Variants in CHST2 observed in about 807,000 individuals in gnomAD.
CHST2 encodes carbohydrate sulfotransferase 2, also known as N-acetylglucosamine 6-O-sulfotransferase 1.
In CHST2, 23 loss-of-function variants were observed where a neutral mutation model predicts 34.6. The observed-to-expected ratio is 0.67, with a 90% confidence interval of 0.48 to 0.94. The LOEUF is 0.94. CHST2 is among the 40% of genes least tolerant of loss of function. The pLI, the probability that CHST2 is intolerant of heterozygous loss-of-function variation, is 0.00. For synonymous variants in CHST2, 392 were observed against 343.1 expected (o/e 1.14, Z -1.58); for missense variants, 720 against 759.5 (o/e 0.95, Z 0.61).
rs769769693 is a variant in CHST2 at position 143,122,160 on chromosome 3, C to T, written c.1344C>T (p.Ser448=). ...ACGATTTTGTGGGACTGTTGGTGAG[C>T]CCCGAAATGGAGCAGTTTGCCCTGA... The part of the protein sequence containing the change: ...RVYDFVGLLV[S]PEMEQFALNM... Residue 448 remains serine (S), a synonymous_variant, in exon 2 of 2, where the codon AGC becomes AGT. Transcript: ENST00000309575. The T allele has an allele frequency of 6.2e-7, 1 of 1,614,198 alleles. No individual in the cohort carries two copies. The highest frequency in any genetic ancestry group is 1.7e-5 in the Admixed American group (1 of 60,028).
At position 143,121,035 on chromosome 3, in the gene CHST2, C is replaced by G. The variant is rs148799946; in HGVS notation, c.219C>G (p.Leu73=). ...ALLLVLTMLN[L]LDYKWHKEPL... is the part of the protein sequence containing the mutation. Reference sequence around the variant, plus strand: ...TGCTGGTGCTCACTATGCTCAACCTCCTGGACTACAAGTGGCACAAGGAGC... The same window carrying G: ...TGCTGGTGCTCACTATGCTCAACCTGCTGGACTACAAGTGGCACAAGGAGC... Residue 73 remains leucine (L), a synonymous_variant, in exon 2 of 2, where the codon CTC becomes CTG. Coordinates refer to ENST00000309575, the MANE Select transcript of CHST2 (RefSeq NM_004267.5). The G allele has an allele frequency of 8.4e-5, 129 of 1,529,210 alleles. No individual in the cohort carries two copies. The highest frequency in any genetic ancestry group is 1.1e-4 in the Non-Finnish European group (122 of 1,138,948). 94.7% of individuals were successfully genotyped at this position (1,529,210 alleles called of 1,614,324 possible). A position where few individuals can be genotyped will look rare whatever the true frequency, so the allele number is the denominator to read the frequency against.
Position 143,121,643 on chromosome 3 carries a change from A to G in CHST2, c.827A>G (p.Asp276Gly), listed in dbSNP as rs2108351508. Residue 276 changes from aspartate (D) to glycine (G), a missense_variant, in exon 2 of 2, where the codon GAC becomes GGC. Asp to Gly is a moderately conservative substitution (Grantham distance 94). Transcript: ENST00000309575. ...CGCAAGGAGGTCGTGGGGTTGGTGG[A>G]CGACCGCGTGTGCAAGAAGTGCCCG... Reference protein sequence around the residue: ...AYRKEVVGLVDDRVCKKCPPQ... With the variant: ...AYRKEVVGLVGDRVCKKCPPQ... 6.4e-7 allele frequency: 1 copy of G among 1,572,310 alleles called. No homozygotes were observed. Among genetic ancestry groups the G allele is most frequent in the East Asian group, 2.3e-5 (1 of 43,868 alleles).
Position 143,121,193 on chromosome 3 carries a change from A to T in CHST2, c.377A>T (p.Tyr126Phe). ...AHARLDLRTP[Y>F]RPPAAAVGAA... The stretch of plus-strand genomic sequence containing the variant: ...GCCCGTTTGGACCTCCGCACTCCTT[A>T]CCGCCCTCCCGCTGCCGCCGTCGGG... Residue 126 changes from tyrosine (Y) to phenylalanine (F), a missense_variant, in exon 2 of 2, where the codon TAC becomes TTC. By Grantham distance (22) the Tyr-to-Phe change is conservative. Around this residue, in one of 4 missense-constraint regions of CHST2, gnomAD observed 287 missense variants for 242.7 expected, o/e 1.18. Transcript: ENST00000309575. 6.5e-7 allele frequency: 1 copy of T among 1,549,774 alleles called. No individual in the cohort carries two copies. Among genetic ancestry groups the T allele is most frequent in the South Asian group, 1.2e-5 (1 of 83,470 alleles).
rs1268441442 is a variant in CHST2 at position 143,120,451 on chromosome 3, C to T, written c.-264C>T. ...AAGGTGCGGGGACCCCCAGCGGAAG[C>T]GAGAGGGAGCGAAATCGAGGAACGA... On this transcript the variant is annotated 5_prime_UTR_variant, in exon 1 of 2. Coordinates refer to ENST00000309575, the MANE Select transcript of CHST2 (RefSeq NM_004267.5). This position sits in a 1 kb window ranked among gnomAD's most constrained non-coding sequence, Gnocchi z 4.1. The T allele has an allele frequency of 1.2e-5, 2 of 166,638 alleles. No individual in the cohort carries two copies. Among genetic ancestry groups the T allele is most frequent in the Non-Finnish European group, 1.3e-5 (1 of 77,474 alleles). 10.3% of individuals were successfully genotyped at this position (166,638 alleles called of 1,614,324 possible).
At position 143,120,946 on chromosome 3, in the gene CHST2, TC is replaced by T; in HGVS notation, c.134del (p.Pro45LeufsTer4). ...GCGCCCAGGACGCCGCTGGCCCGCG[TC>T]CCCTCTCGGAATGAAGGTGTTCCGT... Reference protein sequence around the residue: ...PRRPGRRWPASPLGMKVFRRK... With the variant: ...PRRPGRRWPAXPLGMKVFRRK... On this transcript the variant is annotated frameshift_variant, in exon 2 of 2. Coordinates refer to ENST00000309575, the MANE Select transcript of CHST2 (RefSeq NM_004267.5). LOFTEE classifies it high-confidence loss of function. This position sits in a 1 kb window ranked among gnomAD's most constrained non-coding sequence, Gnocchi z 4.1. 6.5e-7 allele frequency: 1 copy of T among 1,533,082 alleles called. No homozygotes were observed. Among genetic ancestry groups the T allele is most frequent in the African/African-American group, 1.4e-5 (1 of 70,760 alleles). 95.0% of individuals were successfully genotyped at this position (1,533,082 alleles called of 1,614,324 possible).
At position 143,122,447 on chromosome 3, in the gene CHST2, C is replaced by A; in HGVS notation, c.*38C>A. 1.3e-6 allele frequency: 2 copies of A among 1,497,822 alleles called. No homozygotes were observed. The highest frequency in any genetic ancestry group is 1.8e-6 in the Non-Finnish European group (2 of 1,124,844). The allele number at this position is 1,497,822 out of a possible 1,614,324, so 92.8% of individuals were successfully genotyped here. A position where few individuals can be genotyped will look rare whatever the true frequency, so the allele number is the denominator to read the frequency against. On this transcript the variant is annotated 3_prime_UTR_variant, in exon 2 of 2. Transcript: ENST00000309575. ...GGAGACCTGATTCCCTGTGGTGATA[C>A]CTATAAAGAGGATCGTAGTGTGTTT... is the stretch of plus-strand genomic sequence containing the variant.
rs1215508428 is a variant in CHST2 at position 143,119,897 on chromosome 3, C to G, written c.-818C>G. The G allele has an allele frequency of 7.6e-6, 1 of 131,390 alleles. No homozygotes were observed. The highest frequency in any genetic ancestry group is 1.6e-5 in the Non-Finnish European group (1 of 63,018). The allele number at this position is 131,390 out of a possible 1,614,324, so 8.1% of individuals were successfully genotyped here. Reference sequence around the variant, plus strand: ...GGGGTCTTTCTTTGCTTAAATACCTCGTTGGCCAGAAGCGCTGGTACCGGG... The same window carrying G: ...GGGGTCTTTCTTTGCTTAAATACCTGGTTGGCCAGAAGCGCTGGTACCGGG... On this transcript the variant is annotated 5_prime_UTR_variant, in exon 1 of 2. Transcript: ENST00000309575.
rs1936240926 is a variant in CHST2, at chr3:143,122,450, A to G, written c.*41A>G. 7 of 1,491,922 alleles carry G rather than the reference A, an allele frequency of 4.7e-6. No individual in the cohort carries two copies. The highest frequency in any genetic ancestry group is 2.4e-5 in the East Asian group (1 of 41,720). 92.4% of individuals were successfully genotyped at this position (1,491,922 alleles called of 1,614,324 possible). Reference sequence around the variant, plus strand: ...GACCTGATTCCCTGTGGTGATACCTATAAAGAGGATCGTAGTGTGTTTAAA... The same window carrying G: ...GACCTGATTCCCTGTGGTGATACCTGTAAAGAGGATCGTAGTGTGTTTAAA... On this transcript the variant is annotated 3_prime_UTR_variant, in exon 2 of 2. Coordinates refer to ENST00000309575, the MANE Select transcript of CHST2 (RefSeq NM_004267.5).
At position 143,121,785 on chromosome 3, in the gene CHST2, G is replaced by C; in HGVS notation, c.969G>C (p.Leu323=). The C allele has an allele frequency of 6.2e-7, 1 of 1,607,760 alleles. No homozygotes were observed. Among genetic ancestry groups the C allele is most frequent in the Non-Finnish European group, 8.5e-7 (1 of 1,177,128 alleles). The part of the protein sequence containing the change: ...VLAPLLRDPA[L]DLKVIHLVRD... ...CGCCACTGCTGCGAGACCCGGCCCT[G>C]GACCTCAAGGTCATCCACTTGGTGC... The change falls in exon 2 of 2, where the codon CTG becomes CTC. Residue 323 remains leucine, a synonymous_variant. Transcript: ENST00000309575.
In CHST2 at chr3:143,121,009, C is replaced by T. The variant is rs747842677; in HGVS notation, c.193C>T (p.Leu65=). The T allele has an allele frequency of 6.5e-7, 1 of 1,541,482 alleles. No individual in the cohort carries two copies. Among genetic ancestry groups the T allele is most frequent in the Non-Finnish European group, 8.7e-7 (1 of 1,144,688 alleles). Residue 65 remains leucine (L), a synonymous_variant, in exon 2 of 2, where the codon CTG becomes TTG. Transcript: ENST00000309575. The part of the protein sequence containing the change: ...ALVLCAGYAL[L]LVLTMLNLLD... ...GGTGTTGTGCGCGGGCTATGCACTG[C>T]TGCTGGTGCTCACTATGCTCAACCT...
At position 143,120,761 on chromosome 3, in the gene CHST2, C is replaced by G. The variant is rs561848242; in HGVS notation, c.-56C>G. 1.4e-3 allele frequency: 1,623 copies of G among 1,200,694 alleles called. 3 individuals carry two copies. The African/African-American group carries it at 0.016, about 12-fold the overall frequency. The allele number at this position is 1,200,694 out of a possible 1,614,324, so 74.4% of individuals were successfully genotyped here. A position where few individuals can be genotyped will look rare whatever the true frequency, so the allele number is the denominator to read the frequency against. ...CGCCAGCAGCCAGCCCGCTGCGTCC[C>G]CTTCCCGGGCTGCAGGGCTGCCTCC... On this transcript the variant is annotated 5_prime_UTR_variant, in exon 2 of 2. Coordinates refer to ENST00000309575, the MANE Select transcript of CHST2 (RefSeq NM_004267.5). This position sits in a 1 kb window ranked among gnomAD's most constrained non-coding sequence, Gnocchi z 4.1.
At position 143,121,648 on chromosome 3, in the gene CHST2, C is replaced by A; in HGVS notation, c.832C>A (p.Arg278Ser). ...GGAGGTCGTGGGGTTGGTGGACGAC[C>A]GCGTGTGCAAGAAGTGCCCGCCACA... ...RKEVVGLVDDRVCKKCPPQRL... is the reference protein window; with the variant it reads ...RKEVVGLVDDSVCKKCPPQRL... The change falls in exon 2 of 2, where the codon CGC (arginine) becomes AGC (serine). Residue 278 changes from arginine to serine, a missense_variant. Coordinates refer to ENST00000309575, the MANE Select transcript of CHST2 (RefSeq NM_004267.5). 6.4e-7 allele frequency: 1 copy of A among 1,568,630 alleles called. No homozygotes were observed. Among genetic ancestry groups the A allele is most frequent in the East Asian group, 2.3e-5 (1 of 43,664 alleles).
Position 143,121,886 on chromosome 3 carries a change from G to A in CHST2, c.1070G>A (p.Arg357His). The A allele has an allele frequency of 6.3e-7, 1 of 1,577,716 alleles. No individual in the cohort carries two copies. The highest frequency in any genetic ancestry group is 8.6e-7 in the Non-Finnish European group (1 of 1,159,204). The change falls in exon 2 of 2, where the codon CGC (arginine) becomes CAC (histidine). Residue 357 changes from arginine to histidine, a missense_variant. Around this residue, in one of 4 missense-constraint regions of CHST2, gnomAD observed 166 missense variants for 211.4 expected, o/e 0.79. Transcript: ENST00000309575. The stretch of plus-strand genomic sequence containing the variant: ...ATCCGTGAGAGCCTACAGGTGGTGC[G>A]CAGCCGAGACCCGCGAGCTCACCGC... ...GLIRESLQVVRSRDPRAHRMP... is the reference protein window; with the variant it reads ...GLIRESLQVVHSRDPRAHRMP...
rs1378773802 is a variant in CHST2 at position 143,123,637 on chromosome 3, A to G, written c.*1228A>G. On this transcript the variant is annotated 3_prime_UTR_variant, in exon 2 of 2. Coordinates refer to ENST00000309575, the MANE Select transcript of CHST2 (RefSeq NM_004267.5). ...TAAATCAGTGCAAGAGAGAATATGA[A>G]TTTATAATGCTTTACTTGGGATGCC... The G allele has an allele frequency of 6.6e-6, 1 of 152,238 alleles. No homozygotes were observed. Among genetic ancestry groups the G allele is most frequent in the East Asian group, 1.9e-4 (1 of 5,198 alleles). 9.4% of individuals were successfully genotyped at this position (152,238 alleles called of 1,614,324 possible).
rs1011373286 is a variant in CHST2, at chr3:143,123,022, G to C, written c.*613G>C. 1.2e-5 allele frequency: 2 copies of C among 166,242 alleles called. No homozygotes were observed. Among genetic ancestry groups the C allele is most frequent in the African/African-American group, 2.4e-5 (1 of 41,448 alleles). 10.3% of individuals were successfully genotyped at this position (166,242 alleles called of 1,614,324 possible). On this transcript the variant is annotated 3_prime_UTR_variant, in exon 2 of 2. Transcript: ENST00000309575. ...CCTGTGTTACTTGTCCTCAGCTTCA[G>C]ATAGAATCTCCTTCCCCTCCCTCGT...
chr3:143,122,324 T>C lies in CHST2; in HGVS notation c.1508T>C (p.Met503Thr), dbSNP rs1936237897. 6.2e-7 allele frequency: 1 copy of C among 1,613,934 alleles called. No individual in the cohort carries two copies. The highest frequency in any genetic ancestry group is 8.5e-7 in the Non-Finnish European group (1 of 1,180,018). Residue 503 changes from methionine to threonine, a missense_variant, in exon 2 of 2, where the codon ATG (methionine) becomes ACG (threonine). Around this residue, in one of 4 missense-constraint regions of CHST2, gnomAD observed 224 missense variants for 227.8 expected, o/e 0.98. Coordinates refer to ENST00000309575, the MANE Select transcript of CHST2 (RefSeq NM_004267.5). ...GTGGAGGAGTTTTGCTACCAGCCCA[T>C]GGCCGTCCTGGGCTATGAGCGGGTC... ...KQVEEFCYQP[M>T]AVLGYERVNS...
chr3:143,120,731 C>G lies in CHST2; in HGVS notation c.-86C>G, dbSNP rs1436456824. The G allele has an allele frequency of 1.7e-6, 2 of 1,163,908 alleles. No individual in the cohort carries two copies. Among genetic ancestry groups the G allele is most frequent in the African/African-American group, 3.2e-5 (2 of 61,976 alleles). 72.1% of individuals were successfully genotyped at this position (1,163,908 alleles called of 1,614,324 possible). A position where few individuals can be genotyped will look rare whatever the true frequency, so the allele number is the denominator to read the frequency against. ...CCCGCCTCGGAGTCGCGGCCCGAGT[C>G]CCGGCGCCAGCAGCCAGCCCGCTGC... is the stretch of plus-strand genomic sequence containing the variant. On this transcript the variant is annotated 5_prime_UTR_variant, in exon 2 of 2. Transcript: ENST00000309575. This position sits in a 1 kb window ranked among gnomAD's most constrained non-coding sequence, Gnocchi z 4.1.
Position 143,122,464 on chromosome 3 carries a change from A to G in CHST2, c.*55A>G. 6.9e-7 allele frequency: 1 copy of G among 1,459,444 alleles called. No individual in the cohort carries two copies. The highest frequency in any genetic ancestry group is 1.4e-5 in the South Asian group (1 of 69,650). The allele number at this position is 1,459,444 out of a possible 1,614,324, so 90.4% of individuals were successfully genotyped here. Reference sequence around the variant, plus strand: ...TGGTGATACCTATAAAGAGGATCGTAGTGTGTTTAAATAAACACAGTCCAG... The same window carrying G: ...TGGTGATACCTATAAAGAGGATCGTGGTGTGTTTAAATAAACACAGTCCAG... On this transcript the variant is annotated 3_prime_UTR_variant, in exon 2 of 2. Transcript: ENST00000309575.
Position 143,120,538 on chromosome 3 carries a change from C to T in CHST2, c.-177C>T. ...GCCGCTCCCGGGCGCGCCCTCGGCT[C>T]CAGGTGAGCGGAGGAACCGGGCAGA... On this transcript the variant is annotated 5_prime_UTR_variant, in exon 1 of 2. Transcript: ENST00000309575. This position sits in a 1 kb window ranked among gnomAD's most constrained non-coding sequence, Gnocchi z 4.1. 1 of 233,694 alleles carries T rather than the reference C, an allele frequency of 4.3e-6. No homozygotes were observed. Among genetic ancestry groups the T allele is most frequent in the Non-Finnish European group, 8.2e-6 (1 of 122,228 alleles). The allele number at this position is 233,694 out of a possible 1,614,324, so 14.5% of individuals were successfully genotyped here.
Sources: gnomAD v4.1 joint callset for allele counts on GRCh38, gnomAD v4.1.1 for gene constraint, gnomAD v4.1.1 regional missense constraint, Gnocchi (gnomAD v3.1) non-coding constraint, MANE v1.5 for transcripts, NCBI Gene and HGNC (gene_info 2026-07-23, HGNC 2026-07-21) for gene names.